Variants in L3MBTL3 observed in about 807,000 individuals in gnomAD.
L3MBTL3 encodes L3MBTL histone methyl-lysine binding protein 3.
L3MBTL3 carries 27 observed loss-of-function variants against 102.3 expected under a neutral mutation model. The ratio of observed to expected loss-of-function variants is 0.26; its 90% CI spans 0.19 to 0.36. The LOEUF (loss-of-function observed/expected upper bound fraction) is 0.36. L3MBTL3 is among the 10% of genes least tolerant of loss of function. The probability of loss-of-function intolerance (pLI) is 1.00; values close to 1 mark genes in which losing one functional copy is unlikely to be tolerated. For synonymous variants in L3MBTL3, 340 were observed against 320.9 expected (o/e 1.06, Z -0.64); for missense variants, 798 against 955.3 (o/e 0.84, Z 2.17).
At chr6:130,044,607 G>A (rs1443650502) in intron 3 of L3MBTL3, among the ~76,000 whole-genome samples, 4 of 152,122 alleles carry the variant, frequency 2.6e-5, no homozygotes, top group Non-Finnish European at 5.9e-5. Flanking sequence ...ATTTGATAAT[G>A]ACTTTCAGAC....
Position 130,133,703 on chromosome 6 carries a change from G to A in L3MBTL3, c.2136+82G>A, listed in dbSNP as rs904578238. On this transcript the variant is annotated intron_variant, in intron 21 of 22. Coordinates refer to ENST00000361794, the MANE Select transcript of L3MBTL3 (RefSeq NM_032438.4). The surrounding 1 kb of genome is among the most constrained non-coding windows in gnomAD (Gnocchi z 4.9). ...GTGTGGAACATTGAGCGTAGGTAGC[G>A]TTTAGTCTTTTTTTTTCTGAAAGAG... 58 of 1,538,448 alleles carry A rather than the reference G, an allele frequency of 3.8e-5. No homozygotes were observed. Among genetic ancestry groups the A allele is most frequent in the East Asian group, 6.8e-5 (3 of 44,130 alleles).
intron 2 of L3MBTL3, among the ~76,000 whole-genome samples, chr6:130,027,904 C>T (rs1013289402): frequency 2.0e-5 from 3 of 151,930 alleles, no homozygotes; most frequent in African/African-American, 7.3e-5. Flanking sequence ...TATTACCCTT[C>T]TAGTATAGTA....
In L3MBTL3 at chr6:130,049,784, C is replaced by T. The variant is rs775048860; in HGVS notation, c.243C>T (p.Pro81=). 18 of 1,613,862 alleles carry T rather than the reference C, an allele frequency of 1.1e-5. No homozygotes were observed. Among genetic ancestry groups the T allele is most frequent in the African/African-American group, 4.0e-5 (3 of 74,910 alleles). Residue 81 remains proline (P), a synonymous_variant, in exon 5 of 23, where the codon CCC becomes CCT. Coordinates refer to ENST00000361794, the MANE Select transcript of L3MBTL3 (RefSeq NM_032438.4). The part of the protein sequence containing the change: ...EAPTSPPSSR[P]VFPPAYWTSP... Reference sequence around the variant, plus strand: ...CGACCTCTCCCCCGAGCTCCAGGCCCGTATTTCCACCTGCCTACTGGACAT... The same window carrying T: ...CGACCTCTCCCCCGAGCTCCAGGCCTGTATTTCCACCTGCCTACTGGACAT...
chr6:130,068,192 T>C (rs1782391685), intron 11 of L3MBTL3, 138 bp from the exon 12 acceptor site: 5 of 567,562 alleles, frequency 8.8e-6, no homozygotes, highest in Admixed American at 3.1e-5. Context: ...TGCATAGTTA[T>C]GAATTATGAG....
chr6:130,109,807 C>T (rs571342415), intron 19 of L3MBTL3, among the ~76,000 whole-genome samples: 164 of 152,210 alleles, frequency 1.1e-3, no homozygotes, highest in African/African-American at 3.9e-3. Flanking sequence ...ATGGTACTGC[C>T]TATGTTTTCT....
intron 2 of L3MBTL3, among the ~76,000 whole-genome samples, chr6:130,039,818 T>G (rs1289083635): frequency 6.6e-6 from 1 of 152,194 alleles, no homozygotes; most frequent in Admixed American, 6.5e-5. Flanking sequence ...TTGGGTTGTT[T>G]TGCTTGAAGT....
chr6:130,110,814 A>G (rs1785303444), intron 19 of L3MBTL3, among the ~76,000 whole-genome samples: 1 of 152,154 alleles, frequency 6.6e-6, no homozygotes, highest in African/African-American at 2.4e-5. Flanking sequence ...ATTTAGTATG[A>G]TATTGGCTAT....
intron 10 of L3MBTL3, 58 bp downstream of exon 10, chr6:130,060,198 A>C: frequency 9.3e-7 from 1 of 1,073,082 alleles, no homozygotes; most frequent in African/African-American, 1.6e-5. Flanking sequence ...GGGATTTAAA[A>C]TGAGGAAAAA....
chr6:130,075,175 A>G (rs1171285469), intron 13 of L3MBTL3, among the ~76,000 whole-genome samples: 2 of 152,068 alleles, frequency 1.3e-5, no homozygotes, highest in Non-Finnish European at 2.9e-5. Flanking sequence ...GGAAGGAGAG[A>G]AACTAAACAC....
At chr6:130,041,803 A>G (rs941149782) in intron 2 of L3MBTL3, among the ~76,000 whole-genome samples, 5 of 152,192 alleles carry the variant, frequency 3.3e-5, no homozygotes, top group African/African-American at 7.2e-5. Flanking sequence ...CATCTTGGAC[A>G]TTTCCTGCTA....
At chr6:130,028,433 G>A (rs908339319) in intron 2 of L3MBTL3, among the ~76,000 whole-genome samples, 1 of 152,220 alleles carries the variant, frequency 6.6e-6, no homozygotes, top group Non-Finnish European at 1.5e-5. Context: ...ACACTCAGGT[G>A]TCTCCTCTGC....
chr6:130,104,564 C>T lies in L3MBTL3; in HGVS notation c.1875C>T (p.Ser625=). 1 of 1,566,698 alleles carries T rather than the reference C, an allele frequency of 6.4e-7. No individual in the cohort carries two copies. The highest frequency in any genetic ancestry group is 8.6e-7 in the Non-Finnish European group (1 of 1,161,762). Residue 625 remains serine (S), a synonymous_variant, in exon 19 of 23, where the codon TCC becomes TCT. Coordinates refer to ENST00000361794, the MANE Select transcript of L3MBTL3 (RefSeq NM_032438.4). Reference sequence around the variant, plus strand: ...CAGATGCAAATGAAAGCTCTTCTTCCCCTGAAATCAGGTAATCAAAGAGCT... The same window carrying T: ...CAGATGCAAATGAAAGCTCTTCTTCTCCTGAAATCAGGTAATCAAAGAGCT... ...KRTDANESSS[S]PEIRDQHADD...
chr6:130,104,575 G>T lies in L3MBTL3; in HGVS notation c.1886G>T (p.Arg629Ile). Residue 629 changes from arginine (R) to isoleucine (I), a missense_variant and splice_region_variant, in exon 19 of 23, where the codon AGA (arginine) becomes ATA (isoleucine). Arg to Ile is a moderately conservative substitution (Grantham distance 97). Around this residue, in one of 4 missense-constraint regions of L3MBTL3, gnomAD observed 306 missense variants for 314.4 expected, o/e 0.97. Coordinates refer to ENST00000361794, the MANE Select transcript of L3MBTL3 (RefSeq NM_032438.4). ...ANESSSSPEI[R>I]DQHADDVKED... ...GAAAGCTCTTCTTCCCCTGAAATCA[G>T]GTAATCAAAGAGCTAATATTAGCAT... 1 of 1,554,650 alleles carries T rather than the reference G, an allele frequency of 6.4e-7. No homozygotes were observed. The highest frequency in any genetic ancestry group is 8.6e-7 in the Non-Finnish European group (1 of 1,156,398).
chr6:130,087,297 A>C (rs1783746009), intron 16 of L3MBTL3, among the ~76,000 whole-genome samples: 2 of 152,158 alleles, frequency 1.3e-5, no homozygotes. Flanking sequence ...TTATAAATGC[A>C]AGACCTGTGC....
At chr6:130,078,532 A>C (rs1201004018) in intron 13 of L3MBTL3, 26 bp from the exon 14 acceptor site, 1 of 1,526,946 alleles carries the variant, frequency 6.5e-7, no homozygotes, top group Admixed American at 1.7e-5. Flanking sequence ...TGATAATTGC[A>C]GTTTTTTAAT....
At chr6:130,024,297 T>C (rs1779192962) in intron 2 of L3MBTL3, among the ~76,000 whole-genome samples, 2 of 152,302 alleles carry the variant, frequency 1.3e-5, no homozygotes, top group Admixed American at 1.3e-4. Context: ...TAGCCAACTA[T>C]GTAAAATCTA....
chr6:130,104,131 A>G (rs1200799794), intron 18 of L3MBTL3, among the ~76,000 whole-genome samples: 1 of 152,154 alleles, frequency 6.6e-6, no homozygotes, highest in African/African-American at 2.4e-5. Flanking sequence ...CTTGGGGCTG[A>G]TTGTTTCCAG....
intron 13 of L3MBTL3, among the ~76,000 whole-genome samples, chr6:130,075,533 C>T (rs571766386): frequency 3.3e-5 from 5 of 152,184 alleles, no homozygotes; most frequent in Non-Finnish European, 5.9e-5. Flanking sequence ...CATCAGGTGT[C>T]GTGGGGATTA....
chr6:130,086,193 G>A lies in L3MBTL3; in HGVS notation c.1461G>A (p.Arg487=). ...TGAAGCTTGAGGTTGTAGACAAAAG[G>A]AACCCTATGTTTATTAGAGTAGCAA... ...KKMKLEVVDK[R]NPMFIRVATV... The change falls in exon 16 of 23, where the codon AGG becomes AGA. Residue 487 remains arginine (R), a synonymous_variant. Transcript: ENST00000361794. 2 of 1,613,230 alleles carry A rather than the reference G, an allele frequency of 1.2e-6. No homozygotes were observed. The highest frequency in any genetic ancestry group is 2.2e-5 in the South Asian group (2 of 90,862).
Sources: allele counts gnomAD v4.1 joint callset (sites outside exome capture counted in the v4.1 genomes callset), GRCh38; gene constraint gnomAD v4.1.1; regional missense constraint gnomAD v4.1.1; non-coding constraint Gnocchi (gnomAD v3.1); transcripts MANE v1.5; gene names NCBI Gene and HGNC (gene_info 2026-07-23, HGNC 2026-07-21).